The following SEMA6D variants were observed in gnomAD, a reference collection of about 807,000 sequenced individuals.
The protein encoded by SEMA6D is semaphorin-6D.
Under a neutral mutation model 106.6 loss-of-function variants are expected in SEMA6D, and 35 were observed. That is an observed-to-expected ratio of 0.33 (90% CI 0.25 to 0.44). SEMA6D has a LOEUF of 0.44. Ranked by LOEUF, SEMA6D falls within the 20% of genes least tolerant of loss-of-function variation. The pLI, the probability that SEMA6D is intolerant of heterozygous loss-of-function variation, is 1.00. For synonymous variants in SEMA6D, 499 were observed against 487.7 expected, an observed-to-expected ratio of 1.02 and a Z score of -0.31; for missense variants, 1,185 against 1,345.9, an observed-to-expected ratio of 0.88 and a Z score of 1.87.
chr15:47,656,202 T>C (rs2077790454), intron 4 of SEMA6D, among the ~76,000 whole-genome samples: 2 of 152,242 alleles, frequency 1.3e-5, no homozygotes, highest in Non-Finnish European at 2.9e-5. Flanking sequence ...ACCAACAGTA[T>C]ATACGAAATA....
chr15:47,357,137 A>G (rs1199053315), intron 1 of SEMA6D, among the ~76,000 whole-genome samples: 1 of 151,988 alleles, frequency 6.6e-6, no homozygotes, highest in Non-Finnish European at 1.5e-5. Flanking sequence ...GATCGAGACC[A>G]TCCTGGCTAA....
rs368009396 is a variant in SEMA6D at position 47,771,304 on chromosome 15, C to T, written c.2741C>T (p.Ser914Leu). 5 of 1,613,850 alleles carry T rather than the reference C, an allele frequency of 3.1e-6. No individual in the cohort carries two copies. The highest frequency in any genetic ancestry group is 1.3e-5 in the African/African-American group (1 of 74,878). Reference sequence around the variant, plus strand: ...AACTTAATGCTGGATCCCATGGGATCGATGTCTGAGGTCCCACCTAAAGTC... The same window carrying T: ...AACTTAATGCTGGATCCCATGGGATTGATGTCTGAGGTCCCACCTAAAGTC... ...HQNLMLDPMG[S>L]MSEVPPKVPN... is the part of the protein sequence containing the mutation. The change falls in exon 19 of 19, where the codon TCG (serine) becomes TTG (leucine). Residue 914 changes from serine to leucine, a missense_variant. By Grantham distance (145) the Ser-to-Leu change is moderately radical. Transcript: ENST00000536845.
rs2078551394 is a variant in SEMA6D at position 47,689,989 on chromosome 15, G to A, written c.-54-69756G>A. ...GGGATTTAGAGCAAAATGTTTCCTG[G>A]GCAGGCCAGTTCTGCTGTTAAAAAC... On this transcript the variant is annotated intron_variant, in intron 4 of 19. Transcript: ENST00000558014. Among the ~76,000 whole-genome samples, 3 of 152,134 alleles carry A rather than the reference G, an allele frequency of 2.0e-5. No homozygotes were observed. In the South Asian group the frequency reaches 6.2e-4, roughly 32 times the overall value.
intron 3 of SEMA6D, among the ~76,000 whole-genome samples, chr15:47,562,336 G>A (rs970132834): frequency 1.3e-5 from 2 of 152,084 alleles, no homozygotes; most frequent in Non-Finnish European, 2.9e-5. Context: ...TAGGAACTTA[G>A]ACTATAAAAA....
intron 3 of SEMA6D, among the ~76,000 whole-genome samples, chr15:47,546,988 G>T (rs778083048): frequency 3.3e-5 from 5 of 152,024 alleles, no homozygotes; most frequent in Non-Finnish European, 5.9e-5. Flanking sequence ...TTCCAGCTTG[G>T]CCTGCATCAG....
At chr15:47,642,897 A>G (rs1361637604) in intron 4 of SEMA6D, among the ~76,000 whole-genome samples, 1 of 152,132 alleles carries the variant, frequency 6.6e-6, no homozygotes. Flanking sequence ...GTAAAGATGA[A>G]AATGGAGAAG....
intron 1 of SEMA6D, among the ~76,000 whole-genome samples, chr15:47,225,216 T>A (rs2031555078): frequency 6.6e-6 from 1 of 151,972 alleles, no homozygotes; most frequent in Non-Finnish European, 1.5e-5. Context: ...GTATGTTTAG[T>A]TTTGTCAGAA....
Position 47,771,658 on chromosome 15 carries a change from C to T in SEMA6D, c.3095C>T (p.Thr1032Ile). The T allele has an allele frequency of 6.2e-7, 1 of 1,614,082 alleles. No individual in the cohort carries two copies. Among genetic ancestry groups the T allele is most frequent in the East Asian group, 2.2e-5 (1 of 44,864 alleles). The change falls in exon 19 of 19, where the codon ACC becomes ATC. Residue 1032 changes from threonine (T) to isoleucine (I), a missense_variant. This residue lies in a region of SEMA6D where 750 missense variants were observed against 783.5 expected (regional missense o/e 0.96). Coordinates refer to ENST00000536845, the MANE Select transcript of SEMA6D (RefSeq NM_001358351.3). ...TCCCTCTCCAGACAGAGCAGCTACA[C>T]CAGTAATGGCACTCTTCCTAGGACG... ...QPSLSRQSSY[T>I]SNGTLPRTGL...
At chr15:47,329,177 G>A (rs972390592) in intron 1 of SEMA6D, among the ~76,000 whole-genome samples, 1 of 152,192 alleles carries the variant, frequency 6.6e-6, no homozygotes, top group African/African-American at 2.4e-5. Context: ...AAGGCAGAGT[G>A]AGAGTAATTT....
chr15:47,455,564 A>G (rs1596040661), intron 2 of SEMA6D, among the ~76,000 whole-genome samples: 2 of 151,986 alleles, frequency 1.3e-5, no homozygotes, highest in East Asian at 3.9e-4. Context: ...TGTTGGGAAT[A>G]TAGGGAAAAA....
At chr15:47,308,258 A>G (rs1315906321) in intron 1 of SEMA6D, among the ~76,000 whole-genome samples, 1 of 152,142 alleles carries the variant, frequency 6.6e-6, no homozygotes, top group Non-Finnish European at 1.5e-5. Context: ...TAGTTGCCAC[A>G]TGGCCATTGT....
chr15:47,207,816 C>G (rs943181211), intron 1 of SEMA6D, among the ~76,000 whole-genome samples: 2 of 152,058 alleles, frequency 1.3e-5, no homozygotes, highest in African/African-American at 4.8e-5. Flanking sequence ...CTTTCTGAAA[C>G]TACTTCATCT....
chr15:47,768,598 T>C lies in SEMA6D; in HGVS notation c.1783T>C (p.Ser595Pro). The C allele has an allele frequency of 1.9e-6, 3 of 1,611,752 alleles. No homozygotes were observed. The highest frequency in any genetic ancestry group is 2.5e-6 in the Non-Finnish European group (3 of 1,178,436). Residue 595 changes from serine to proline, a missense_variant, in exon 18 of 19, where the codon TCT becomes CCT. By Grantham distance (74) the Ser-to-Pro change is moderately conservative (BLOSUM62 -1). Around this residue, in one of 3 missense-constraint regions of SEMA6D, gnomAD observed 750 missense variants for 783.5 expected, o/e 0.96. Transcript: ENST00000536845. ...GPTSDMEVSS[S>P]SVTTMASIPE... ...CACCACAGACATGGAGGTATCTTCATCTTCTGTTACCACAATGGCAAGTAT... is the reference window on the plus strand; with the variant it reads ...CACCACAGACATGGAGGTATCTTCACCTTCTGTTACCACAATGGCAAGTAT...
intron 3 of SEMA6D, among the ~76,000 whole-genome samples, chr15:47,511,143 T>TAACA (rs2044216968): frequency 6.6e-6 from 1 of 152,154 alleles, no homozygotes; most frequent in South Asian, 2.1e-4. Context: ...GCTCCTGCTT[T>TAACA]GCAATTAAGT....
At chr15:47,361,501 G>A (rs1003650686) in intron 1 of SEMA6D, among the ~76,000 whole-genome samples, 1 of 152,156 alleles carries the variant, frequency 6.6e-6, no homozygotes, top group Non-Finnish European at 1.5e-5. Flanking sequence ...TGGAAAGGTT[G>A]GAGTAGAAAG....
At chr15:47,653,832 C>A (rs186020167) in intron 4 of SEMA6D, among the ~76,000 whole-genome samples, 116 of 152,258 alleles carry the variant, frequency 7.6e-4, no homozygotes, top group Non-Finnish European at 1.5e-3. Context: ...CACGAATGAA[C>A]GAATGGAAAA....
chr15:47,457,277 T>G (rs561750386), intron 2 of SEMA6D, among the ~76,000 whole-genome samples: 1 of 151,782 alleles, frequency 6.6e-6, no homozygotes, highest in Admixed American at 6.6e-5. Flanking sequence ...TTCAAAAATA[T>G]AAAATTCAAA....
intron 3 of SEMA6D, among the ~76,000 whole-genome samples, chr15:47,506,162 A>G (rs1238785895): frequency 1.3e-5 from 2 of 152,104 alleles, no homozygotes; most frequent in Admixed American, 1.3e-4. Context: ...TCGCTGCTAC[A>G]ATGTGTACTC....
intron 2 of SEMA6D, among the ~76,000 whole-genome samples, chr15:47,451,723 T>C (rs1015436710): frequency 2.0e-5 from 3 of 152,008 alleles, no homozygotes; most frequent in African/African-American, 7.2e-5. Flanking sequence ...ACTGTTTCCT[T>C]TACCCTCTTT....
Sources: gnomAD v4.1 joint callset for allele counts (sites outside exome capture counted in the v4.1 genomes callset) on GRCh38, gnomAD v4.1.1 for gene constraint, gnomAD v4.1.1 regional missense constraint, MANE v1.5 for transcripts, NCBI Gene and HGNC (gene_info 2026-07-23, HGNC 2026-07-21) for gene names.